Variants in MGAT5 observed in about 807,000 individuals in gnomAD.
The protein encoded by MGAT5 is alpha-1,6-mannosylglycoprotein 6-beta-N-acetylglucosaminyltransferase A.
In MGAT5, 30 loss-of-function variants were observed where a neutral mutation model predicts 94.3. The observed-to-expected ratio is 0.32, with a 90% CI of 0.24 to 0.43. MGAT5 has a LOEUF of 0.43. Among genes scored for constraint, MGAT5 ranks in the 20% least tolerant of loss-of-function variants. MGAT5 has a pLI of 1.00. For missense variants in MGAT5, 691 were observed against 905.5 expected (o/e 0.76, Z 3.04); for synonymous variants, 310 against 322.9 (o/e 0.96, Z 0.43).
chr2:134,225,336 T>C (rs1471590814), intron 1 of MGAT5, among the ~76,000 whole-genome samples: 1 of 152,142 alleles, frequency 6.6e-6, no homozygotes, highest in Admixed American at 6.6e-5. Flanking sequence ...GGCCTGCTGA[T>C]TCAGAATCTG....
chr2:134,301,535 A>G (rs925292222), intron 2 of MGAT5, among the ~76,000 whole-genome samples: 4 of 152,070 alleles, frequency 2.6e-5, no homozygotes, highest in Admixed American at 6.6e-5. Flanking sequence ...TAAAGAACCT[A>G]CTTTTTTTTG....
At chr2:134,441,583 G>A (rs1198222469) in intron 14 of MGAT5, among the ~76,000 whole-genome samples, 175 bp from the exon 15 acceptor site, 1 of 152,212 alleles carries the variant, frequency 6.6e-6, no homozygotes, top group East Asian at 1.9e-4. Flanking sequence ...GTCAAGACCT[G>A]GGCTGAAGGC....
At chr2:134,206,886 T>G (rs929788783) in intron 1 of MGAT5, among the ~76,000 whole-genome samples, 1 of 152,204 alleles carries the variant, frequency 6.6e-6, no homozygotes, top group African/African-American at 2.4e-5. Flanking sequence ...ACCCCTTCGC[T>G]TCTACCCAGT....
At chr2:134,315,860 G>C (rs946747333) in intron 2 of MGAT5, among the ~76,000 whole-genome samples, 3 of 152,152 alleles carry the variant, frequency 2.0e-5, no homozygotes, top group African/African-American at 7.2e-5. Flanking sequence ...CAGGTAGAGG[G>C]CTTGTTGAAA....
At chr2:134,299,382 C>T (rs945777600) in intron 2 of MGAT5, among the ~76,000 whole-genome samples, 4 of 152,156 alleles carry the variant, frequency 2.6e-5, no homozygotes, top group East Asian at 3.9e-4. Flanking sequence ...AGTACCTGTG[C>T]GAGCTGGAGT....
intron 1 of MGAT5, among the ~76,000 whole-genome samples, chr2:134,260,163 C>T (rs987649140): frequency 3.9e-5 from 6 of 152,304 alleles, no homozygotes; most frequent in Non-Finnish European, 8.8e-5. Context: ...CAGTGAGAAG[C>T]CGGCAGCTTA....
chr2:134,400,294 A>G (rs1341545847), intron 10 of MGAT5, among the ~76,000 whole-genome samples: 1 of 152,236 alleles, frequency 6.6e-6, no homozygotes, highest in Non-Finnish European at 1.5e-5. Flanking sequence ...GACCTGAGGT[A>G]GAAGTACCTA....
intron 1 of MGAT5, among the ~76,000 whole-genome samples, chr2:134,128,111 GTAATC>G (rs998836542): frequency 2.0e-5 from 3 of 151,920 alleles, no homozygotes; most frequent in Admixed American, 2.0e-4. Flanking sequence ...GCTCATGCCT[GTAATC>G]CCAGCACTCT....
chr2:134,168,176 C>A (rs1022393225), intron 1 of MGAT5, among the ~76,000 whole-genome samples: 3 of 152,180 alleles, frequency 2.0e-5, no homozygotes, highest in Non-Finnish European at 4.4e-5. Context: ...GGCGCACTGA[C>A]CCTGGTGCCA....
intron 6 of MGAT5, among the ~76,000 whole-genome samples, chr2:134,340,272 A>G (rs1688550685): frequency 6.6e-6 from 1 of 152,162 alleles, no homozygotes; most frequent in African/African-American, 2.4e-5. Flanking sequence ...AGGTTCTTGG[A>G]AAAATGGCTT....
intron 2 of MGAT5, among the ~76,000 whole-genome samples, chr2:134,273,120 C>T (rs1684136939): frequency 6.6e-6 from 1 of 150,758 alleles, no homozygotes; most frequent in African/African-American, 2.5e-5. Flanking sequence ...TTCTTCATTT[C>T]CCCCAGAAGG....
intron 10 of MGAT5, among the ~76,000 whole-genome samples, chr2:134,368,057 C>G (rs1480406624): frequency 6.6e-6 from 1 of 152,156 alleles, no homozygotes. Context: ...ACTGGCAAAG[C>G]CAGAACCAGG....
intron 1 of MGAT5, among the ~76,000 whole-genome samples, chr2:134,130,154 T>C (rs943856193): frequency 2.0e-5 from 3 of 151,288 alleles, no homozygotes; most frequent in East Asian, 1.9e-4. Context: ...CTCAGCCATC[T>C]TCCCGCGGGG....
At chr2:134,329,569 A>C (rs1316946649) in intron 4 of MGAT5, among the ~76,000 whole-genome samples, 3 of 152,128 alleles carry the variant, frequency 2.0e-5, no homozygotes, top group Non-Finnish European at 4.4e-5. Flanking sequence ...ATGTGCTTCA[A>C]ATAGTGATTG....
intron 1 of MGAT5, among the ~76,000 whole-genome samples, chr2:134,179,529 A>G (rs1427910720): frequency 5.9e-5 from 5 of 84,330 alleles, no homozygotes; most frequent in Admixed American, 5.4e-4. Flanking sequence ...ACTTTATAGA[A>G]CAAGACCATT....
intron 1 of MGAT5, among the ~76,000 whole-genome samples, chr2:134,259,290 G>A (rs528545741): frequency 5.9e-5 from 9 of 152,286 alleles, no homozygotes; most frequent in South Asian, 2.1e-4. Flanking sequence ...GTGACGTCTC[G>A]GGAATTGTGT....
At chr2:134,414,308 C>T (rs994068361) in intron 12 of MGAT5, among the ~76,000 whole-genome samples, 22 of 152,060 alleles carry the variant, frequency 1.4e-4, no homozygotes, top group Non-Finnish European at 7.4e-5. Flanking sequence ...AGTGCTAGGA[C>T]ACAGAGACTG....
In MGAT5 at chr2:134,139,756, G is replaced by A. The variant is rs142154388; in HGVS notation, c.-143+19465G>A. 1.1e-4 allele frequency among the ~76,000 whole-genome samples: 16 copies of A among 152,296 alleles called. No homozygotes were observed. In the South Asian group the frequency reaches 2.7e-3, roughly 26 times the overall value. The stretch of plus-strand genomic sequence containing the variant: ...AGTGGTTCTGTAAATACCAAAGACT[G>A]TAAAACAGCCCTGCTAGATTACCAC... On this transcript the variant is annotated intron_variant, in intron 1 of 16. Transcript: ENST00000409645.
Position 134,255,498 on chromosome 2 carries a change from CATATATACACATAT to C in MGAT5, c.241+866_241+879del, listed in dbSNP as rs1484875184. ...ATATACATATATACATATATATACA[CATATATACACATAT>C]ATATATACACACACATATATATATA... On this transcript the variant is annotated intron_variant, in intron 1 of 15. Coordinates refer to ENST00000281923, the MANE Select transcript of MGAT5 (RefSeq NM_002410.5). Among the ~76,000 whole-genome samples, 3 of 148,954 alleles carry C rather than the reference CATATATACACATAT, an allele frequency of 2.0e-5. No individual in the cohort carries two copies. The Admixed American group carries it at 2.0e-4, about 10-fold the overall frequency.
Sources: allele counts gnomAD v4.1 joint callset (sites outside exome capture counted in the v4.1 genomes callset), GRCh38; gene constraint gnomAD v4.1.1; transcripts MANE v1.5; gene names NCBI Gene and HGNC (gene_info 2026-07-23, HGNC 2026-07-21).